The following NECTIN3 variants were observed in gnomAD, a reference collection of about 807,000 sequenced individuals.
The protein encoded by NECTIN3 is nectin-3.
In NECTIN3, 8 loss-of-function variants were observed where a neutral mutation model predicts 49.4. That is an observed-to-expected ratio of 0.16 (90% CI 0.10 to 0.29). The LOEUF (loss-of-function observed/expected upper bound fraction) is 0.29. Among genes scored for constraint, NECTIN3 ranks in the 10% least tolerant of loss-of-function variants. The probability of loss-of-function intolerance (pLI) is 1.00; values close to 1 mark genes in which losing one functional copy is unlikely to be tolerated. For synonymous variants in NECTIN3, 277 were observed against 241.1 expected (o/e 1.15, Z -1.38); for missense variants, 581 against 654.6 (o/e 0.89, Z 1.23).
At chr3:111,189,859 C>T (rs942583222), upstream of NECTIN3, among the ~76,000 whole-genome samples, 29 of 152,282 alleles carry the variant, frequency 1.9e-4, no homozygotes, top group African/African-American at 7.0e-4. Context: ...CCATATGCAC[C>T]ATGACTGTGG....
chr3:111,074,405 A>G (rs964856406), intron 1 of NECTIN3, among the ~76,000 whole-genome samples: 23 of 152,170 alleles, frequency 1.5e-4, no homozygotes, highest in African/African-American at 4.1e-4. Context: ...CTTTAAAAAT[A>G]TGACTGTAGC....
At chr3:111,077,792 A>G (rs144983031) in intron 1 of NECTIN3, among the ~76,000 whole-genome samples, 361 of 152,312 alleles carry the variant, frequency 2.4e-3, no homozygotes, top group African/African-American at 8.2e-3. Context: ...TTGTATTCCC[A>G]TGTGCTTGGC....
chr3:111,091,771 T>C (rs2032286932), intron 1 of NECTIN3, among the ~76,000 whole-genome samples: 1 of 152,244 alleles, frequency 6.6e-6, no homozygotes, highest in South Asian at 2.1e-4. Context: ...TGTTCATATA[T>C]AGGTTTTTGT....
chr3:111,192,279 A>C (rs2035826002), upstream of NECTIN3: 2 of 1,339,730 alleles, frequency 1.5e-6, no homozygotes, highest in Non-Finnish European at 2.1e-6. Flanking sequence ...CTCTTTTAAA[A>C]ATAGGAATCT....
chr3:111,176,283 A>G (rs1490292648), intron 7 of NECTIN3, among the ~76,000 whole-genome samples: 1 of 152,194 alleles, frequency 6.6e-6, no homozygotes, highest in African/African-American at 2.4e-5. Flanking sequence ...TAATCATGCA[A>G]CCTACCTTCA....
intron 2 of NECTIN3, among the ~76,000 whole-genome samples, chr3:111,116,093 G>A (rs777054564): frequency 1.3e-5 from 2 of 152,076 alleles, no homozygotes; most frequent in Non-Finnish European, 2.9e-5. Flanking sequence ...AATCATCTGG[G>A]TAGTAGTGTT....
At chr3:111,124,374 C>T (rs1342719446) in intron 4 of NECTIN3, among the ~76,000 whole-genome samples, 1 of 152,040 alleles carries the variant, frequency 6.6e-6, no homozygotes, top group East Asian at 1.9e-4. Context: ...ATAGAAGATG[C>T]TTTTGTTGTA....
chr3:111,149,176 T>TA (rs1042004637), intron 7 of NECTIN3, among the ~76,000 whole-genome samples: 3 of 152,120 alleles, frequency 2.0e-5, no homozygotes, highest in Non-Finnish European at 4.4e-5. Context: ...TCTGAACTCT[T>TA]AATTCTGTTG....
chr3:111,080,344 A>T (rs1173428714), intron 1 of NECTIN3, among the ~76,000 whole-genome samples: 1 of 151,974 alleles, frequency 6.6e-6, no homozygotes, highest in Non-Finnish European at 1.5e-5. Flanking sequence ...TAATAGTAAA[A>T]ATGTTTAAAT....
intron 7 of NECTIN3, among the ~76,000 whole-genome samples, chr3:111,156,234 G>A (rs1477851): frequency 0.27 from 41,495 of 152,020 alleles, 11,263 homozygotes; most frequent in African/African-American, 0.7. Flanking sequence ...GAACAAATTT[G>A]TTGAATACTT....
intron 1 of NECTIN3, among the ~76,000 whole-genome samples, chr3:111,089,457 A>T (rs1199421308): frequency 7.0e-6 from 1 of 143,868 alleles, no homozygotes; most frequent in Admixed American, 7.3e-5. Context: ...ACATACACAC[A>T]CATATATGTA....
At chr3:111,077,836 T>G (rs1021310757) in intron 1 of NECTIN3, among the ~76,000 whole-genome samples, 1 of 152,214 alleles carries the variant, frequency 6.6e-6, no homozygotes, top group Non-Finnish European at 1.5e-5. Flanking sequence ...TTCAAGAGTT[T>G]GATGGCGAAA....
chr3:111,187,092 A>G (rs2035733442), intron 7 of NECTIN3, among the ~76,000 whole-genome samples: 1 of 152,190 alleles, frequency 6.6e-6, no homozygotes, highest in Non-Finnish European at 1.5e-5. Flanking sequence ...ACAAAATGGT[A>G]TAGATGCTTT....
chr3:111,107,985 A>T (rs73854905), intron 1 of NECTIN3, among the ~76,000 whole-genome samples: 1 of 152,170 alleles, frequency 6.6e-6, no homozygotes, highest in Non-Finnish European at 1.5e-5. Context: ...AAATTTATTA[A>T]TACTAGAAGA....
chr3:111,180,111 T>C (rs1321355823), intron 7 of NECTIN3, among the ~76,000 whole-genome samples: 1 of 152,180 alleles, frequency 6.6e-6, no homozygotes, highest in Non-Finnish European at 1.5e-5. Flanking sequence ...TGAGAAACCC[T>C]GCATTACTAA....
chr3:111,115,724 T>C (rs927662377), intron 2 of NECTIN3, among the ~76,000 whole-genome samples: 3 of 152,222 alleles, frequency 2.0e-5, no homozygotes, highest in Non-Finnish European at 4.4e-5. Context: ...GAAGAGGTCC[T>C]TAAATCATAA....
chr3:111,081,201 A>T (rs1198231851), intron 1 of NECTIN3, among the ~76,000 whole-genome samples: 1 of 152,218 alleles, frequency 6.6e-6, no homozygotes, highest in Non-Finnish European at 1.5e-5. Flanking sequence ...GGATTGCTTG[A>T]GCCCGGAAGG....
At chr3:111,193,451 A>G in intron 1 of NECTIN3, 1 of 1,427,444 alleles carries the variant, frequency 7.0e-7, no homozygotes, top group East Asian at 2.5e-5. Context: ...TAAGGCCAAT[A>G]GTTATTTTAC....
At chr3:111,079,582 T>G (rs2031460651) in intron 1 of NECTIN3, among the ~76,000 whole-genome samples, 1 of 151,738 alleles carries the variant, frequency 6.6e-6, no homozygotes, top group Non-Finnish European at 1.5e-5. Context: ...TTCCTTTAAT[T>G]TTTTGGAAGA....
Sources: allele counts gnomAD v4.1 joint callset (sites outside exome capture counted in the v4.1 genomes callset), GRCh38; gene constraint gnomAD v4.1.1; transcripts MANE v1.5; gene names NCBI Gene and HGNC (gene_info 2026-07-23, HGNC 2026-07-21).